FAM171A1: variants seen among roughly 807,000 people sequenced by gnomAD.
FAM171A1 encodes family with sequence similarity 171 member A1.
Under a neutral mutation model 74.9 loss-of-function variants are expected in FAM171A1, and 23 were observed. That is an observed-to-expected ratio of 0.31 (90% confidence interval 0.22 to 0.44). The LOEUF (loss-of-function observed/expected upper bound fraction) is 0.44. FAM171A1 is among the 20% of genes least tolerant of loss of function. The probability of loss-of-function intolerance (pLI) is 1.00; values close to 1 mark genes in which losing one functional copy is unlikely to be tolerated. For missense variants in FAM171A1, 1,162 were observed against 1,159.2 expected (o/e 1.00, Z -0.03); for synonymous variants, 527 against 505.7 (o/e 1.04, Z -0.57).
chr10:15,256,599 C>T (rs925095385), intron 3 of FAM171A1, among the ~76,000 whole-genome samples: 1 of 152,216 alleles, frequency 6.6e-6, no homozygotes, highest in African/African-American at 2.4e-5. Context: ...CATCGATTCC[C>T]CTTCTTCATC....
chr10:15,229,861 CCCCCATCACCATCAT>C (rs1834178789), intron 5 of FAM171A1, among the ~76,000 whole-genome samples: 1 of 18,436 alleles, frequency 5.4e-5, no homozygotes, highest in Non-Finnish European at 1.2e-4. Context: ...ATCACCATCA[CCCCCATCACCATCAT>C]CACCATCACC....
At chr10:15,220,801 A>G (rs2131712825) in intron 6 of FAM171A1, 143 bp downstream of exon 6, 1 of 665,558 alleles carries the variant, frequency 1.5e-6, no homozygotes, top group Admixed American at 2.5e-5. Context: ...CCTTCTTTAC[A>G]TCATCTCATT....
intron 1 of FAM171A1, among the ~76,000 whole-genome samples, chr10:15,296,491 G>A (rs898088357): frequency 1.3e-5 from 2 of 152,018 alleles, no homozygotes; most frequent in Non-Finnish European, 2.9e-5. Flanking sequence ...CCTTGTGTGT[G>A]TTTAATTCTG....
At chr10:15,333,231 C>T (rs1448191992) in intron 1 of FAM171A1, among the ~76,000 whole-genome samples, 6 of 152,238 alleles carry the variant, frequency 3.9e-5, no homozygotes, top group African/African-American at 7.2e-5. Context: ...CTGTGGCTCA[C>T]GCCTGTAATC....
chr10:15,230,546 T>C (rs1411622844), intron 5 of FAM171A1, among the ~76,000 whole-genome samples: 2 of 152,228 alleles, frequency 1.3e-5, no homozygotes, highest in African/African-American at 4.8e-5. Flanking sequence ...ATGTGTTGAA[T>C]ATTAGAAATT....
At chr10:15,331,931 T>C (rs774714626) in intron 1 of FAM171A1, among the ~76,000 whole-genome samples, 1 of 143,204 alleles carries the variant, frequency 7.0e-6, no homozygotes, top group Non-Finnish European at 1.5e-5. Flanking sequence ...AGGTATTATC[T>C]AGAGCACCTG....
chr10:15,287,386 C>T (rs185023925), intron 1 of FAM171A1, among the ~76,000 whole-genome samples: 1,822 of 149,774 alleles, frequency 0.012, 26 homozygotes, highest in Non-Finnish European at 0.019. Flanking sequence ...CCCACCGCGC[C>T]GGCCTCTTTT....
At chr10:15,284,136 A>C in intron 1 of FAM171A1, 31 bp from the exon 2 acceptor site, 2 of 1,595,780 alleles carry the variant, frequency 1.3e-6, no homozygotes, top group Non-Finnish European at 1.7e-6. Flanking sequence ...AAGAACAGCT[A>C]CTGTCAATGG....
chr10:15,321,968 A>G (rs1835491950), intron 1 of FAM171A1, among the ~76,000 whole-genome samples: 1 of 152,250 alleles, frequency 6.6e-6, no homozygotes, highest in African/African-American at 2.4e-5. Flanking sequence ...ACTTTGAGCC[A>G]AGACAGCCAC....
Position 15,308,648 on chromosome 10 carries a change from AAAACAAAC to A in FAM171A1, c.98-24551_98-24544del, listed in dbSNP as rs376025721. ...CAACAAGGGCAAAACTCTGTCTCAA[AAAACAAAC>A]AAACAAACAAACAAACAAACCCCAA... is the stretch of plus-strand genomic sequence containing the variant. On this transcript the variant is annotated intron_variant, in intron 1 of 7. Coordinates refer to ENST00000378116, the MANE Select transcript of FAM171A1 (RefSeq NM_001010924.2). Among the ~76,000 whole-genome samples the A allele has an allele frequency of 5.9e-3, 892 of 152,122 alleles. 3 individuals carry two copies. Among genetic ancestry groups the A allele is most frequent in the Non-Finnish European group, 8.9e-3 (602 of 67,994 alleles).
In FAM171A1 at chr10:15,248,702, C is replaced by T; in HGVS notation, c.691G>A (p.Ala231Thr). The T allele has an allele frequency of 6.2e-7, 1 of 1,613,188 alleles. No individual in the cohort carries two copies. The highest frequency in any genetic ancestry group is 8.5e-7 in the Non-Finnish European group (1 of 1,179,552). Residue 231 changes from alanine (A) to threonine (T), a missense_variant, in exon 5 of 8, where the codon GCC becomes ACC. Physicochemically the swap from Ala to Thr is moderately conservative, Grantham distance 58 (BLOSUM62 0). Transcript: ENST00000378116. ...TTGTGCCTCAGGCTGCTCTGCGTGG[C>T]CAGGGGCACAGTGACATAGATGGGA... Reference protein sequence around the residue: ...DGPIYVTVPLATQSSLRHNAY... With the variant: ...DGPIYVTVPLTTQSSLRHNAY...
chr10:15,347,696 C>T (rs546195643), intron 1 of FAM171A1, among the ~76,000 whole-genome samples: 41 of 151,558 alleles, frequency 2.7e-4, no homozygotes, highest in Non-Finnish European at 5.2e-4. Flanking sequence ...ATTAGCTGGG[C>T]GTGGTGGTGC....
chr10:15,245,024 G>A (rs1009616348), intron 5 of FAM171A1, among the ~76,000 whole-genome samples: 2 of 151,942 alleles, frequency 1.3e-5, no homozygotes, highest in African/African-American at 4.8e-5. Context: ...GTTTAGAAGA[G>A]ATAAACTGTT....
intron 1 of FAM171A1, among the ~76,000 whole-genome samples, chr10:15,293,528 GA>G (rs1183768854): frequency 7.9e-6 from 1 of 127,160 alleles, no homozygotes; most frequent in Non-Finnish European, 1.6e-5. Flanking sequence ...CAAAAAGAAT[GA>G]AACTGGCTAG....
At chr10:15,326,237 G>A (rs1216498525) in intron 1 of FAM171A1, among the ~76,000 whole-genome samples, 1 of 152,124 alleles carries the variant, frequency 6.6e-6, no homozygotes, top group African/African-American at 2.4e-5. Flanking sequence ...GTTTGGTGAA[G>A]TAGGCTCAGG....
At position 15,306,423 on chromosome 10, in the gene FAM171A1, G is replaced by A. The variant is rs184516139; in HGVS notation, c.98-22318C>T. Among the ~76,000 whole-genome samples, 237 of 151,388 alleles carry A rather than the reference G, an allele frequency of 1.6e-3. 2 individuals carry two copies. The East Asian group carries it at 0.023, about 15-fold the overall frequency. The stretch of plus-strand genomic sequence containing the variant: ...TCTGTCACCCAGGCTGTAGTGCAGT[G>A]GCACAATCTTGACTCACTGCCACCT... On this transcript the variant is annotated intron_variant, in intron 1 of 7. Transcript: ENST00000378116.
intron 1 of FAM171A1, among the ~76,000 whole-genome samples, chr10:15,354,045 C>T (rs918372966): frequency 5.3e-5 from 8 of 152,196 alleles, no homozygotes; most frequent in African/African-American, 1.9e-4. Context: ...CATTGTCCTT[C>T]CAAAGTCCCT....
At chr10:15,295,765 C>T (rs981575679) in intron 1 of FAM171A1, among the ~76,000 whole-genome samples, 3 of 152,154 alleles carry the variant, frequency 2.0e-5, no homozygotes, top group Admixed American at 6.5e-5. Flanking sequence ...CATGCAAATG[C>T]TCTCACCCCA....
intron 1 of FAM171A1, among the ~76,000 whole-genome samples, chr10:15,336,725 A>G (rs1796577300): frequency 6.6e-6 from 1 of 152,232 alleles, no homozygotes; most frequent in Admixed American, 6.5e-5. Flanking sequence ...AGTGTAAAGT[A>G]TTAGTACACT....
Sources: gnomAD v4.1 joint callset for allele counts (sites outside exome capture counted in the v4.1 genomes callset) on GRCh38, gnomAD v4.1.1 for gene constraint, MANE v1.5 for transcripts, NCBI Gene and HGNC (gene_info 2026-07-23, HGNC 2026-07-21) for gene names.